THSD7B: variants seen among roughly 807,000 people sequenced by gnomAD.
The protein encoded by THSD7B is thrombospondin type-1 domain-containing protein 7B.
Under a neutral mutation model 213.6 loss-of-function variants are expected in THSD7B, and 138 were observed. The ratio of observed to expected loss-of-function variants is 0.65; its 90% CI spans 0.56 to 0.74. THSD7B has a LOEUF of 0.74. THSD7B is among the 30% of genes least tolerant of loss of function. The probability of loss-of-function intolerance (pLI) is 0.00; values close to 1 mark genes in which losing one functional copy is unlikely to be tolerated. For missense variants in THSD7B, 1,931 were observed against 1,991.5 expected (o/e 0.97, Z 0.58); for synonymous variants, 742 against 687.0 (o/e 1.08, Z -1.25).
chr2:136,979,891 A>C (rs1336376265), intron 2 of THSD7B, among the ~76,000 whole-genome samples: 1 of 151,384 alleles, frequency 6.6e-6, no homozygotes, highest in Non-Finnish European at 1.5e-5. Context: ...TTTTTTTCTC[A>C]TCTTCATGGG....
Position 137,518,076 on chromosome 2 carries a change from T to C in THSD7B, c.3139-45145T>C, listed in dbSNP as rs142280465. On this transcript the variant is annotated intron_variant, in intron 15 of 27. Transcript: ENST00000409968. The stretch of plus-strand genomic sequence containing the variant: ...AAGTGGTTGGGCTCCCAATCACATA[T>C]ATATGTGATTGGGCTCAAGCAGTCC... Among the ~76,000 whole-genome samples the C allele has an allele frequency of 7.4e-4, 112 of 152,032 alleles. 1 individual carries two copies. Among genetic ancestry groups the C allele is most frequent in the African/African-American group, 2.4e-3 (99 of 41,470 alleles).
At chr2:137,246,274 C>T (rs1011318923) in intron 10 of THSD7B, among the ~76,000 whole-genome samples, 2 of 152,094 alleles carry the variant, frequency 1.3e-5, no homozygotes, top group South Asian at 2.1e-4. Context: ...AGTTGAGAAG[C>T]GGTTATGTCT....
intron 15 of THSD7B, among the ~76,000 whole-genome samples, chr2:137,480,906 T>G (rs970054761): frequency 3.9e-5 from 6 of 152,246 alleles, no homozygotes; most frequent in African/African-American, 1.4e-4. Flanking sequence ...TCCAAAATCT[T>G]GTTGAAACCT....
intron 17 of THSD7B, among the ~76,000 whole-genome samples, chr2:137,614,877 C>T (rs1377677458): frequency 6.6e-6 from 1 of 152,124 alleles, no homozygotes; most frequent in African/African-American, 2.4e-5. Context: ...ATAGTCAAGA[C>T]TCAGTGTACA....
At chr2:136,836,234 C>T (rs1354586215) in intron 1 of THSD7B, among the ~76,000 whole-genome samples, 1 of 152,124 alleles carries the variant, frequency 6.6e-6, no homozygotes, top group Non-Finnish European at 1.5e-5. Context: ...TGGATGTAAT[C>T]GCACATGAAA....
chr2:137,134,162 G>A (rs764522205), intron 5 of THSD7B, among the ~76,000 whole-genome samples: 1 of 152,208 alleles, frequency 6.6e-6, no homozygotes, highest in Non-Finnish European at 1.5e-5. Flanking sequence ...CAGGAAGAAA[G>A]TGAGGCTTTG....
In THSD7B at chr2:137,192,962, G is replaced by C. The variant is rs112644756; in HGVS notation, c.1723+22024G>C. On this transcript the variant is annotated intron_variant, in intron 7 of 27. Coordinates refer to ENST00000409968, the MANE Select transcript of THSD7B (RefSeq NM_001316349.2). ...TTCCATAGCTTAGAAAGGAAAGCTT[G>C]TGTGTGCGTATGTGTATGTGTGTAT... 7.3e-3 allele frequency among the ~76,000 whole-genome samples: 1,106 copies of C among 152,212 alleles called. 14 individuals are homozygous for C. Among genetic ancestry groups the C allele is most frequent in the African/African-American group, 0.024 (1,017 of 41,514 alleles).
intron 15 of THSD7B, among the ~76,000 whole-genome samples, chr2:137,525,491 A>G (rs576744113): frequency 4.6e-5 from 7 of 152,274 alleles, no homozygotes; most frequent in African/African-American, 1.7e-4. Flanking sequence ...CCCAGCCACT[A>G]TAATTCTCTC....
intron 2 of THSD7B, among the ~76,000 whole-genome samples, chr2:136,988,021 G>A (rs2435391): frequency 0.41 from 62,522 of 152,072 alleles, 15,288 homozygotes; most frequent in Non-Finnish European, 0.55. Context: ...AATATAATAT[G>A]CATTCCATAA....
chr2:137,159,546 C>T (rs868277019), intron 5 of THSD7B, among the ~76,000 whole-genome samples: 6 of 152,038 alleles, frequency 3.9e-5, no homozygotes, highest in African/African-American at 1.4e-4. Context: ...ATGGTTGCTG[C>T]GACCTGAAGT....
At chr2:137,572,837 C>T (rs189641073) in intron 17 of THSD7B, among the ~76,000 whole-genome samples, 261 of 152,160 alleles carry the variant, frequency 1.7e-3, no homozygotes, top group African/African-American at 5.9e-3. Flanking sequence ...ACTGTGCACC[C>T]ATTGTGAAAG....
intron 2 of THSD7B, among the ~76,000 whole-genome samples, chr2:136,926,244 C>G (rs1035851055): frequency 6.6e-6 from 1 of 152,156 alleles, no homozygotes; most frequent in African/African-American, 2.4e-5. Flanking sequence ...CCATCCTGTA[C>G]TATCCCTTCT....
chr2:137,365,222 C>T (rs1408239001), intron 12 of THSD7B, among the ~76,000 whole-genome samples: 1 of 152,180 alleles, frequency 6.6e-6, no homozygotes, highest in African/African-American at 2.4e-5. Flanking sequence ...CTTCCTTACA[C>T]CTTATACAAA....
At chr2:136,935,375 G>T (rs1684704813) in intron 2 of THSD7B, among the ~76,000 whole-genome samples, 1 of 150,188 alleles carries the variant, frequency 6.7e-6, no homozygotes, top group African/African-American at 2.5e-5. Context: ...TGGTATTGTG[G>T]TGAGGATTCA....
chr2:136,892,829 T>C (rs1308342946), intron 2 of THSD7B, among the ~76,000 whole-genome samples: 1 of 152,118 alleles, frequency 6.6e-6, no homozygotes, highest in Non-Finnish European at 1.5e-5. Context: ...CAAGTATAAA[T>C]TGCCTTTTTG....
chr2:137,303,022 G>C (rs916763539), intron 12 of THSD7B, among the ~76,000 whole-genome samples: 5 of 151,974 alleles, frequency 3.3e-5, no homozygotes, highest in African/African-American at 1.2e-4. Context: ...TTTTTGAAAC[G>C]AGGGTCTTCT....
rs868685714 is a variant in THSD7B, at chr2:137,080,380, T to G, written c.951-14493T>G. ...CCATGCCCAGCTGTTTTTTTTTTTT[T>G]TTTTTTTTTTTTAAATAGAGACAGG... is the stretch of plus-strand genomic sequence containing the variant. On this transcript the variant is annotated intron_variant, in intron 3 of 27. Transcript: ENST00000409968. 6.0e-3 allele frequency among the ~76,000 whole-genome samples: 892 copies of G among 147,778 alleles called. 11 individuals are homozygous for G. Among genetic ancestry groups the G allele is most frequent in the African/African-American group, 0.02 (792 of 40,134 alleles).
intron 4 of THSD7B, among the ~76,000 whole-genome samples, chr2:137,100,751 C>T (rs1242239323): frequency 6.6e-6 from 1 of 152,052 alleles, no homozygotes; most frequent in Admixed American, 6.6e-5. Flanking sequence ...GTAAGTATGA[C>T]AGACTCAAAG....
chr2:136,954,093 G>T (rs1190910892), intron 2 of THSD7B, among the ~76,000 whole-genome samples: 1 of 152,174 alleles, frequency 6.6e-6, no homozygotes, highest in Non-Finnish European at 1.5e-5. Flanking sequence ...ACATGGGCAG[G>T]ATCCCTGTAG....
Sources: allele counts gnomAD v4.1 joint callset (sites outside exome capture counted in the v4.1 genomes callset), GRCh38; gene constraint gnomAD v4.1.1; transcripts MANE v1.5; gene names NCBI Gene and HGNC (gene_info 2026-07-23, HGNC 2026-07-21).